The following CERKL variants were observed in gnomAD, a reference collection of about 807,000 sequenced individuals.
The protein encoded by CERKL is CERK like autophagy regulator, also known as ceramide kinase-like protein.
In CERKL, 61 loss-of-function variants were observed where a neutral mutation model predicts 63.4. The observed-to-expected ratio is 0.96, with a 90% CI of 0.78 to 1.19. CERKL has a LOEUF of 1.19. Among genes scored for constraint, CERKL ranks in the 50% most tolerant of loss-of-function variants. CERKL has a pLI of 0.00. For missense variants in CERKL, 675 were observed against 655.5 expected (o/e 1.03, Z -0.33); for synonymous variants, 250 against 230.5 (o/e 1.08, Z -0.77).
intron 1 of CERKL, among the ~76,000 whole-genome samples, chr2:181,620,306 C>G (rs898110968): frequency 1.3e-5 from 2 of 152,164 alleles, no homozygotes; most frequent in Non-Finnish European, 2.9e-5. Flanking sequence ...TTTGCTCTCA[C>G]TTTTGTCATT....
chr2:181,562,470 T>C (rs1427510771), intron 4 of CERKL, among the ~76,000 whole-genome samples: 4 of 152,174 alleles, frequency 2.6e-5, no homozygotes, highest in Non-Finnish European at 5.9e-5. Flanking sequence ...TACAGTTTGG[T>C]TTTTTTCATC....
chr2:181,607,415 C>T (rs1044512235), intron 1 of CERKL, among the ~76,000 whole-genome samples: 4 of 152,146 alleles, frequency 2.6e-5, no homozygotes, highest in Non-Finnish European at 5.9e-5. Flanking sequence ...AGTGAGAGTC[C>T]CTTCAATCTA....
At chr2:181,651,071 A>G (rs1240056943) in intron 1 of CERKL, among the ~76,000 whole-genome samples, 1 of 152,216 alleles carries the variant, frequency 6.6e-6, no homozygotes, top group Non-Finnish European at 1.5e-5. Flanking sequence ...CCAGAAACGA[A>G]TGGCTTCACT....
At chr2:181,628,061 C>T (rs1023484897) in intron 1 of CERKL, among the ~76,000 whole-genome samples, 1 of 150,534 alleles carries the variant, frequency 6.6e-6, no homozygotes, top group Non-Finnish European at 1.5e-5. Context: ...ATGTCTTGTC[C>T]TGAAGGTTTC....
At chr2:181,546,333 A>G (rs1687726292) in intron 10 of CERKL, among the ~76,000 whole-genome samples, 2 of 152,154 alleles carry the variant, frequency 1.3e-5, no homozygotes, top group Non-Finnish European at 2.9e-5. Context: ...TTAGATAAAC[A>G]TTGTCTCAAG....
intron 2 of CERKL, among the ~76,000 whole-genome samples, chr2:181,593,040 C>T (rs1377310303): frequency 6.6e-6 from 1 of 152,034 alleles, no homozygotes; most frequent in African/African-American, 2.4e-5. Flanking sequence ...TAAGAGTTAC[C>T]CTTTATTGAG....
At chr2:181,544,458 A>G (rs573698715) in intron 11 of CERKL, among the ~76,000 whole-genome samples, 23 of 152,142 alleles carry the variant, frequency 1.5e-4, no homozygotes, top group Non-Finnish European at 3.1e-4. Context: ...TACATTTCCT[A>G]TTTTATCTTT....
rs1485781307 is a variant in CERKL, at chr2:181,544,716, G to A, written c.1349C>T (p.Ala450Val). 9 of 1,598,686 alleles carry A rather than the reference G, an allele frequency of 5.6e-6. No homozygotes were observed. The highest frequency in any genetic ancestry group is 1.3e-5 in the African/African-American group (1 of 74,532). ...PEFIKHLKRYASVKNQFNFPF... is the reference protein window; with the variant it reads ...PEFIKHLKRYVSVKNQFNFPF... ...TTACTATACCTGATTTTTTACACTGGCATATCTTTTCAGGTGTTTTATAAA... is the reference window on the plus strand; with the variant it reads ...TTACTATACCTGATTTTTTACACTGACATATCTTTTCAGGTGTTTTATAAA... The change falls in exon 11 of 13, where the codon GCC (alanine) becomes GTC (valine). Residue 450 changes from alanine to valine, a missense_variant. Ala to Val is a moderately conservative substitution (Grantham distance 64). Coordinates refer to ENST00000410087, the MANE Select transcript of CERKL (RefSeq NM_201548.5).
intron 2 of CERKL, among the ~76,000 whole-genome samples, chr2:181,599,792 A>G (rs2105888521): frequency 6.6e-6 from 1 of 152,302 alleles, no homozygotes; most frequent in South Asian, 2.1e-4. Context: ...TGAGGCAATA[A>G]TTCAGGAAAA....
chr2:181,547,843 C>T lies in CERKL; in HGVS notation c.1138G>A (p.Ala380Thr). Residue 380 changes from alanine to threonine, a missense_variant, in exon 9 of 13, where the codon GCA becomes ACA. By Grantham distance (58) the Ala-to-Thr change is moderately conservative. Coordinates refer to ENST00000410087, the MANE Select transcript of CERKL (RefSeq NM_201548.5). The part of the protein sequence containing the change: ...NSSDDVQERR[A>T]QGSPKSDCND... ...TCACCAGATTTGGGAGATCCCTGTG[C>T]CCTCCTAAAAGAAAGAAAACAAAAC... 1 of 1,613,642 alleles carries T rather than the reference C, an allele frequency of 6.2e-7. No homozygotes were observed. Among genetic ancestry groups the T allele is most frequent in the Non-Finnish European group, 8.5e-7 (1 of 1,179,924 alleles).
chr2:181,546,809 T>C (rs1289123878), intron 10 of CERKL, among the ~76,000 whole-genome samples: 1 of 152,218 alleles, frequency 6.6e-6, no homozygotes, highest in African/African-American at 2.4e-5. Context: ...GGGCAGGAGA[T>C]TGATATGCAC....
At chr2:181,642,942 A>T (rs1361310662) in intron 1 of CERKL, among the ~76,000 whole-genome samples, 5 of 152,154 alleles carry the variant, frequency 3.3e-5, no homozygotes, top group African/African-American at 1.2e-4. Flanking sequence ...CAATGACAAT[A>T]CCTACACCAA....
At chr2:181,592,983 G>T (rs1465615619) in intron 2 of CERKL, among the ~76,000 whole-genome samples, 1 of 152,044 alleles carries the variant, frequency 6.6e-6, no homozygotes, top group East Asian at 1.9e-4. Flanking sequence ...TGGGGCTATG[G>T]ATTCTATAGA....
chr2:181,536,980 A>G lies in CERKL; in HGVS notation c.*1204T>C, dbSNP rs1237122082. ...CTAGCCAGCCATCCTAATTGATGAA[A>G]GTTATCTGTTCACAGGCCTGCAGTG... is the stretch of plus-strand genomic sequence containing the variant. On this transcript the variant is annotated 3_prime_UTR_variant, in exon 13 of 13. Coordinates refer to ENST00000410087, the MANE Select transcript of CERKL (RefSeq NM_201548.5). 1 of 452,342 alleles carries G rather than the reference A, an allele frequency of 2.2e-6. No homozygotes were observed. The highest frequency in any genetic ancestry group is 4.4e-6 in the Non-Finnish European group (1 of 226,176). The allele number at this position is 452,342 out of a possible 1,614,324, so 28.0% of individuals were successfully genotyped here.
chr2:181,634,399 G>A (rs557583200), intron 1 of CERKL, among the ~76,000 whole-genome samples: 35 of 152,040 alleles, frequency 2.3e-4, no homozygotes, highest in South Asian at 2.1e-3. Flanking sequence ...GATAATATCC[G>A]TATCAAATGC....
chr2:181,542,723 T>C (rs1186784151), intron 11 of CERKL, among the ~76,000 whole-genome samples: 1 of 152,176 alleles, frequency 6.6e-6, no homozygotes, highest in Non-Finnish European at 1.5e-5. Context: ...CAACTGTTTC[T>C]TGTGTCAAAA....
intron 2 of CERKL, among the ~76,000 whole-genome samples, chr2:181,583,195 T>A (rs1215805320): frequency 6.6e-6 from 1 of 151,790 alleles, no homozygotes. Flanking sequence ...AAAGTCTCCA[T>A]GTTGCCATCC....
At chr2:181,644,197 T>C (rs755430177) in intron 1 of CERKL, among the ~76,000 whole-genome samples, 3 of 152,230 alleles carry the variant, frequency 2.0e-5, no homozygotes, top group Admixed American at 6.5e-5. Context: ...CCTGGCACCA[T>C]ACTGGGGGTT....
At chr2:181,559,586 G>A (rs1574448653) in intron 4 of CERKL, among the ~76,000 whole-genome samples, 1 of 152,126 alleles carries the variant, frequency 6.6e-6, no homozygotes, top group African/African-American at 2.4e-5. Context: ...CACGTGTGAG[G>A]CCTAATGGAC....
Sources: allele counts gnomAD v4.1 joint callset (sites outside exome capture counted in the v4.1 genomes callset), GRCh38; gene constraint gnomAD v4.1.1; transcripts MANE v1.5; gene names NCBI Gene and HGNC (gene_info 2026-07-23, HGNC 2026-07-21).